The following EPHA5 variants were observed in gnomAD, a reference collection of about 807,000 sequenced individuals.
EPHA5 encodes the protein ephrin type-A receptor 5.
In EPHA5, 60 loss-of-function variants were observed where a neutral mutation model predicts 105.0. The ratio of observed to expected loss-of-function variants is 0.57; its 90% confidence interval spans 0.46 to 0.71. The LOEUF (loss-of-function observed/expected upper bound fraction) is 0.71, where lower values mean the gene tolerates loss of function less well. Among genes scored for constraint, EPHA5 ranks in the 30% least tolerant of loss-of-function variants. The pLI, the probability that EPHA5 is intolerant of heterozygous loss-of-function variation, is 0.00. For missense variants in EPHA5, 1,218 were observed against 1,274.7 expected (o/e 0.96, Z 0.68); for synonymous variants, 513 against 449.1 (o/e 1.14, Z -1.80).
intron 5 of EPHA5, among the ~76,000 whole-genome samples, chr4:65,463,613 A>G (rs1374971671): frequency 2.0e-5 from 3 of 152,100 alleles, no homozygotes; most frequent in Non-Finnish European, 2.9e-5. Flanking sequence ...ACCTTGCAGT[A>G]ATTGTGTTGC....
At chr4:65,525,335 T>C (rs1735129139) in intron 3 of EPHA5, among the ~76,000 whole-genome samples, 1 of 151,866 alleles carries the variant, frequency 6.6e-6, no homozygotes, top group South Asian at 2.1e-4. Flanking sequence ...TTAATTATTT[T>C]GTCCCAGGAC....
chr4:65,653,106 A>C (rs144775641), intron 1 of EPHA5, among the ~76,000 whole-genome samples: 1 of 152,218 alleles, frequency 6.6e-6, no homozygotes, highest in Non-Finnish European at 1.5e-5. Flanking sequence ...GAATTATACC[A>C]AACTTAAAAA....
At chr4:65,663,503 T>C (rs1034424736) in intron 1 of EPHA5, among the ~76,000 whole-genome samples, 24 of 152,200 alleles carry the variant, frequency 1.6e-4, no homozygotes, top group Middle Eastern at 6.8e-3. Flanking sequence ...CTTCAATTAC[T>C]ACAAATTTCA....
At chr4:65,475,223 G>A (rs575106827) in intron 5 of EPHA5, among the ~76,000 whole-genome samples, 14 of 152,162 alleles carry the variant, frequency 9.2e-5, no homozygotes, top group African/African-American at 3.4e-4. Context: ...ATACTCTAAA[G>A]ACGATGCATG....
chr4:65,459,372 T>C (rs1727912580), intron 5 of EPHA5, among the ~76,000 whole-genome samples: 1 of 151,966 alleles, frequency 6.6e-6, no homozygotes, highest in South Asian at 2.1e-4. Flanking sequence ...ACTTTTCCAT[T>C]ATTTATCACA....
chr4:65,331,178 T>C, intron 16 of EPHA5: 7 of 1,028,872 alleles, frequency 6.8e-6, no homozygotes, highest in Non-Finnish European at 8.2e-6. Context: ...TATCATTATA[T>C]TCACAGGTTA....
chr4:65,566,108 C>T (rs780794289), intron 3 of EPHA5, among the ~76,000 whole-genome samples: 50 of 151,754 alleles, frequency 3.3e-4, no homozygotes, highest in Non-Finnish European at 6.3e-4. Context: ...ACTTCTACAA[C>T]ATGGAAATAT....
chr4:65,566,319 T>C (rs1739529532), intron 3 of EPHA5, among the ~76,000 whole-genome samples: 1 of 151,784 alleles, frequency 6.6e-6, no homozygotes, highest in Non-Finnish European at 1.5e-5. Context: ...GTATAGATAT[T>C]TTGTAGGGAA....
At chr4:65,577,205 T>G (rs56746875) in intron 3 of EPHA5, among the ~76,000 whole-genome samples, 37,011 of 152,016 alleles carry the variant, frequency 0.24, 4,626 homozygotes, top group East Asian at 0.27. Flanking sequence ...TTTTATTGAT[T>G]TCTTTACGGG....
intron 2 of EPHA5, among the ~76,000 whole-genome samples, chr4:65,615,239 T>C (rs1053922976): frequency 1.3e-5 from 2 of 151,216 alleles, no homozygotes; most frequent in Non-Finnish European, 3.0e-5. Flanking sequence ...GCAGGTACAA[T>C]AGTTGATTAA....
At chr4:65,650,922 AG>A (rs1304224688) in intron 1 of EPHA5, among the ~76,000 whole-genome samples, 1 of 152,116 alleles carries the variant, frequency 6.6e-6, no homozygotes, top group Non-Finnish European at 1.5e-5. Context: ...AAGTCCTTCC[AG>A]GGTTTTTCTT....
In EPHA5 at chr4:65,493,609, T is replaced by A. The variant is rs141094664; in HGVS notation, c.1066+1779A>T. 1.4e-3 allele frequency among the ~76,000 whole-genome samples: 207 copies of A among 152,262 alleles called. 1 individual carries two copies. Among genetic ancestry groups the A allele is most frequent in the African/African-American group, 3.7e-3 (155 of 41,570 alleles). On this transcript the variant is annotated intron_variant, in intron 4 of 16. Transcript: ENST00000613740. ...AGTCCTAATTTTTTAAATTTAATTTTATTTTACTTTTAGAAATGCATACAA... is the reference window on the plus strand; with the variant it reads ...AGTCCTAATTTTTTAAATTTAATTTAATTTTACTTTTAGAAATGCATACAA...
chr4:65,652,124 C>T (rs937963149), intron 1 of EPHA5, among the ~76,000 whole-genome samples: 1 of 152,108 alleles, frequency 6.6e-6, no homozygotes, highest in Non-Finnish European at 1.5e-5. Flanking sequence ...TCACAAAATA[C>T]TTCACATAAA....
At chr4:65,398,179 G>T (rs2148973315) in intron 8 of EPHA5, among the ~76,000 whole-genome samples, 1 of 152,306 alleles carries the variant, frequency 6.6e-6, no homozygotes, top group East Asian at 1.9e-4. Flanking sequence ...TGTTACCACT[G>T]CCTGGCCTCT....
At chr4:65,559,823 C>G (rs1738828242) in intron 3 of EPHA5, among the ~76,000 whole-genome samples, 1 of 152,092 alleles carries the variant, frequency 6.6e-6, no homozygotes, top group Non-Finnish European at 1.5e-5. Context: ...TTTGTAATTG[C>G]TGACATTTTT....
At chr4:65,643,161 A>G (rs1367883358) in intron 2 of EPHA5, among the ~76,000 whole-genome samples, 2 of 151,924 alleles carry the variant, frequency 1.3e-5, no homozygotes, top group Non-Finnish European at 2.9e-5. Context: ...TAATATATTG[A>G]CTCTTCAGTC....
At chr4:65,451,849 T>C (rs758008959) in intron 5 of EPHA5, among the ~76,000 whole-genome samples, 43 of 152,156 alleles carry the variant, frequency 2.8e-4, no homozygotes, top group Non-Finnish European at 5.6e-4. Context: ...GAGAAGAGTC[T>C]GTGAAAGCTT....
intron 7 of EPHA5, among the ~76,000 whole-genome samples, chr4:65,408,718 A>G (rs988689037): frequency 6.6e-6 from 1 of 152,018 alleles, no homozygotes; most frequent in Non-Finnish European, 1.5e-5. Flanking sequence ...GTGGAGAAAT[A>G]GGAACACTTT....
At position 65,456,723 on chromosome 4, in the gene EPHA5, T is replaced by TACACAC. The variant is rs71205367; in HGVS notation, c.1402+33648_1402+33653dup. 2.5e-3 allele frequency among the ~76,000 whole-genome samples: 382 copies of TACACAC among 151,336 alleles called. 1 individual carries two copies. Among genetic ancestry groups the TACACAC allele is most frequent in the South Asian group, 5.0e-3 (24 of 4,794 alleles). ...GGAAAAATCATACAAAATAAACATA[T>TACACAC]ACACACACACACACACACATACACA... On this transcript the variant is annotated intron_variant, in intron 5 of 16. Coordinates refer to ENST00000613740, the MANE Select transcript of EPHA5 (RefSeq NM_001281766.3).
Sources: gnomAD v4.1 joint callset for allele counts (sites outside exome capture counted in the v4.1 genomes callset) on GRCh38, gnomAD v4.1.1 for gene constraint, MANE v1.5 for transcripts, NCBI Gene and HGNC (gene_info 2026-07-23, HGNC 2026-07-21) for gene names.